AHRR: variants seen among roughly 807,000 people sequenced by gnomAD.
AHRR encodes the protein aryl hydrocarbon receptor repressor, also known as ahR repressor.
In AHRR, 28 loss-of-function variants were observed where a neutral mutation model predicts 44.0. The observed-to-expected ratio is 0.64, with a 90% CI of 0.47 to 0.87. The LOEUF (loss-of-function observed/expected upper bound fraction) is 0.87. Ranked by LOEUF, AHRR falls within the 40% of genes least tolerant of loss-of-function variation. AHRR has a pLI of 0.00. For synonymous variants in AHRR, 434 were observed against 407.0 expected, an observed-to-expected ratio of 1.07 and a Z score of -0.80; for missense variants, 990 against 953.9, an observed-to-expected ratio of 1.04 and a Z score of -0.50.
At chr5:433,243 G>A (rs1334790052) in intron 10 of AHRR, among the ~76,000 whole-genome samples, 4 of 152,048 alleles carry the variant, frequency 2.6e-5, no homozygotes, top group Admixed American at 6.5e-5. Context: ...CGGACCCTGG[G>A]TCACCCGGCT....
chr5:379,018 C>T (rs1733864814), intron 4 of AHRR, among the ~76,000 whole-genome samples: 1 of 152,246 alleles, frequency 6.6e-6, no homozygotes, highest in South Asian at 2.1e-4. Context: ...CCTCCCCAAA[C>T]ATTTCTCCTC....
chr5:384,538 C>T (rs1190757605), intron 4 of AHRR, among the ~76,000 whole-genome samples: 2 of 152,054 alleles, frequency 1.3e-5, no homozygotes, highest in African/African-American at 2.4e-5. Context: ...ATTCTCCTGC[C>T]TCAGTCTCCC....
intron 6 of AHRR, 55 bp from the exon 7 acceptor site, chr5:423,786 C>T (rs1169274205): frequency 1.3e-6 from 2 of 1,546,526 alleles, no homozygotes; most frequent in East Asian, 2.3e-5. Context: ...GTGCGTGTGA[C>T]ACGTGTGTTT....
chr5:403,963 G>T, intron 4 of AHRR: 1 of 1,342,898 alleles, frequency 7.4e-7, no homozygotes, highest in South Asian at 1.2e-5. Flanking sequence ...TTTATTTTCT[G>T]ACTCGTCTAC....
intron 4 of AHRR, 94 bp from the exon 5 acceptor site, chr5:413,250 G>A (rs1335254335): frequency 2.3e-6 from 2 of 870,952 alleles, no homozygotes; most frequent in Admixed American, 4.8e-5. Context: ...CAAAACAGGA[G>A]GAAATTGTTG....
At chr5:325,658 G>C (rs80124869) in intron 1 of AHRR, among the ~76,000 whole-genome samples, 1 of 144,920 alleles carries the variant, frequency 6.9e-6, no homozygotes, top group East Asian at 2.3e-4. Flanking sequence ...CCCACCCACC[G>C]GCATCTGTCC....
In AHRR at chr5:434,401, G is replaced by C. The variant is rs770201625; in HGVS notation, c.1661G>C (p.Trp554Ser). 2 of 1,613,346 alleles carry C rather than the reference G, an allele frequency of 1.2e-6. No individual in the cohort carries two copies. The highest frequency in any genetic ancestry group is 1.7e-6 in the Non-Finnish European group (2 of 1,179,960). Reference sequence around the variant, plus strand: ...GACGGCTGTGTGCCCAGCCAGGTGTGGCTGGGGGCCAGTGACAGGAGCCAC... The same window carrying C: ...GACGGCTGTGTGCCCAGCCAGGTGTCGCTGGGGGCCAGTGACAGGAGCCAC... ...AADGCVPSQV[W>S]LGASDRSHPA... Residue 554 changes from tryptophan (W) to serine (S), a missense_variant, in exon 11 of 11, where the codon TGG becomes TCG. By Grantham distance (177) the Trp-to-Ser change is radical. Transcript: ENST00000684583.
At position 383,217 on chromosome 5, in the gene AHRR, AG is replaced by A. The variant is rs1016670994; in HGVS notation, c.351+6505del. ...TGACTGTTCACTGCACTGGGAAAAT[AG>A]GGGTATTCCACTGTCATTGTGTGAG... On this transcript the variant is annotated intron_variant, in intron 4 of 10. Transcript: ENST00000684583. The surrounding 1 kb of genome is among the most constrained non-coding windows in gnomAD (Gnocchi z 4.0). 6.6e-6 allele frequency among the ~76,000 whole-genome samples: 1 copy of A among 152,246 alleles called. No individual in the cohort carries two copies. The highest frequency in any genetic ancestry group is 1.5e-5 in the Non-Finnish European group (1 of 68,038).
chr5:433,729 T>C, intron 10 of AHRR, 124 bp from the exon 11 acceptor site: 1 of 1,164,930 alleles, frequency 8.6e-7, no homozygotes, highest in Non-Finnish European at 1.1e-6. Context: ...GAGGGGTCGG[T>C]GTAGCAGCCT....
intron 2 of AHRR, among the ~76,000 whole-genome samples, chr5:348,328 CCCT>C (rs1220762961): frequency 6.6e-6 from 1 of 151,132 alleles, no homozygotes; most frequent in African/African-American, 2.4e-5. Context: ...GGGATTCCCC[CCCT>C]CCTTTTTTTT....
At chr5:396,379 G>A (rs1362817381) in intron 4 of AHRR, among the ~76,000 whole-genome samples, 1 of 152,154 alleles carries the variant, frequency 6.6e-6, no homozygotes, top group African/African-American at 2.4e-5. Context: ...TACCATGGCT[G>A]GGGTCTGTGT....
chr5:365,038 T>C lies in AHRR; in HGVS notation c.244+11127T>C, dbSNP rs539935681. Among the ~76,000 whole-genome samples, 10 of 152,018 alleles carry C rather than the reference T, an allele frequency of 6.6e-5. No individual in the cohort carries two copies. The South Asian group carries it at 2.1e-3, about 32-fold the overall frequency. On this transcript the variant is annotated intron_variant, in intron 3 of 10. Transcript: ENST00000684583. ...CTATAAGGAAGAATATATAAATTCATCATCAGAGAGAAATATTTTAAATAC... is the reference window on the plus strand; with the variant it reads ...CTATAAGGAAGAATATATAAATTCACCATCAGAGAGAAATATTTTAAATAC...
chr5:350,942 A>G (rs1742838717), intron 2 of AHRR, among the ~76,000 whole-genome samples: 1 of 152,220 alleles, frequency 6.6e-6, no homozygotes, highest in South Asian at 2.1e-4. Flanking sequence ...ACTGGGCAAA[A>G]GACTTGAATA....
At position 355,192 on chromosome 5, in the gene AHRR, G is replaced by T. The variant is rs116349584; in HGVS notation, c.244+1281G>T. On this transcript the variant is annotated intron_variant, in intron 3 of 10. Transcript: ENST00000684583. The stretch of plus-strand genomic sequence containing the variant: ...GGTGTTGGACTCAGTTTACCTGAGA[G>T]ACCTGGGGTTTGCCGTATGTGCAGG... Among the ~76,000 whole-genome samples, 220 of 152,330 alleles carry T rather than the reference G, an allele frequency of 1.4e-3. 1 individual carries two copies. Among genetic ancestry groups the T allele is most frequent in the African/African-American group, 5.0e-3 (209 of 41,582 alleles).
chr5:364,060 C>T (rs1056544266), intron 3 of AHRR, among the ~76,000 whole-genome samples: 1 of 152,184 alleles, frequency 6.6e-6, no homozygotes, highest in Non-Finnish European at 1.5e-5. Flanking sequence ...AATGCAGTCT[C>T]TTCCATTTTC....
chr5:436,402 A>C lies in AHRR; in HGVS notation c.*1568A>C, dbSNP rs1321754796. 2 of 152,330 alleles carry C rather than the reference A, an allele frequency of 1.3e-5. No individual in the cohort carries two copies. The highest frequency in any genetic ancestry group is 2.9e-5 in the Non-Finnish European group (2 of 68,044). The allele number at this position is 152,330 out of a possible 1,614,324, so 9.4% of individuals were successfully genotyped here. ...AATGCTGGACCCATTTGTTAAACGC[A>C]CCTTCACTTTGTCAAAACCCAGGTT... On this transcript the variant is annotated 3_prime_UTR_variant, in exon 11 of 11. Coordinates refer to ENST00000684583, the MANE Select transcript of AHRR (RefSeq NM_001377236.1).
chr5:375,824 AGCACCTG>A (rs1743761883), intron 3 of AHRR, among the ~76,000 whole-genome samples: 1 of 152,158 alleles, frequency 6.6e-6, no homozygotes, highest in Non-Finnish European at 1.5e-5. Flanking sequence ...GTGGGCAGTG[AGCACCTG>A]TGCTGGGTCC....
chr5:432,718 G>A, intron 9 of AHRR, 88 bp from the exon 10 acceptor site: 2 of 1,601,584 alleles, frequency 1.2e-6, no homozygotes, highest in South Asian at 1.1e-5. Flanking sequence ...GAGCCGATGG[G>A]TCCTGCCTTG....
chr5:387,489 T>G lies in AHRR; in HGVS notation c.351+10773T>G, dbSNP rs1734215599. Reference sequence around the variant, plus strand: ...CACAGGGACGGATTTTCTCTCCAGGTGCTTATGTGCACACAAACCTTTGCC... The same window carrying G: ...CACAGGGACGGATTTTCTCTCCAGGGGCTTATGTGCACACAAACCTTTGCC... On this transcript the variant is annotated intron_variant, in intron 4 of 10. Transcript: ENST00000684583. This position sits in a 1 kb window ranked among gnomAD's most constrained non-coding sequence, Gnocchi z 5.1. Among the ~76,000 whole-genome samples the G allele has an allele frequency of 6.6e-6, 1 of 152,320 alleles. No homozygotes were observed. The highest frequency in any genetic ancestry group is 2.1e-4 in the South Asian group (1 of 4,816).
Sources: gnomAD v4.1 joint callset for allele counts (sites outside exome capture counted in the v4.1 genomes callset) on GRCh38, gnomAD v4.1.1 for gene constraint, Gnocchi (gnomAD v3.1) non-coding constraint, MANE v1.5 for transcripts, NCBI Gene and HGNC (gene_info 2026-07-23, HGNC 2026-07-21) for gene names.